PEBP4: variants seen among roughly 807,000 people sequenced by gnomAD.
PEBP4 encodes the protein phosphatidylethanolamine binding protein 4, also known as phosphatidylethanolamine-binding protein 4.
PEBP4 carries 22 observed loss-of-function variants against 23.9 expected under a neutral mutation model. That is an observed-to-expected ratio of 0.92 (90% CI 0.66 to 1.31). The LOEUF (loss-of-function observed/expected upper bound fraction) is 1.31. Among genes scored for constraint, PEBP4 ranks in the 40% most tolerant of loss-of-function variants. The pLI is 0.00. For missense variants in PEBP4, 324 were observed against 281.7 expected, an observed-to-expected ratio of 1.15 and a Z score of -1.07; for synonymous variants, 112 against 99.3, an observed-to-expected ratio of 1.13 and a Z score of -0.76.
In PEBP4 at chr8:22,865,445, G is replaced by T. The variant is rs1807870840; in HGVS notation, c.259-47710C>A. Among the ~76,000 whole-genome samples the T allele has an allele frequency of 6.6e-6, 1 of 151,922 alleles. No individual in the cohort carries two copies. Among genetic ancestry groups the T allele is most frequent in the African/African-American group, 2.4e-5 (1 of 41,410 alleles). ...TGCGCCTCCAGGGCGTTGGGCGGGG[G>T]CCGCACTTTCCCCGCCGCGAGGTGG... On this transcript the variant is annotated intron_variant, in intron 3 of 6. Coordinates refer to ENST00000256404, the MANE Select transcript of PEBP4 (RefSeq NM_144962.3). This position sits in a 1 kb window ranked among gnomAD's most constrained non-coding sequence, Gnocchi z 6.9.
At chr8:22,894,089 T>C (rs539689447) in intron 3 of PEBP4, among the ~76,000 whole-genome samples, 5 of 152,254 alleles carry the variant, frequency 3.3e-5, no homozygotes, top group African/African-American at 1.2e-4. Context: ...CCGCGGCATA[T>C]AGTAGCAAAA....
intron 4 of PEBP4, among the ~76,000 whole-genome samples, chr8:22,813,960 GT>G (rs1381341196): frequency 4.3e-4 from 65 of 152,306 alleles, no homozygotes; most frequent in Non-Finnish European, 8.8e-4. Flanking sequence ...TAGAAGCCCT[GT>G]GAGGGCAGAG....
rs6989627 is a variant in PEBP4 at position 22,713,917 on chromosome 8, C to A, written c.518-381G>T. Among the ~76,000 whole-genome samples, 1,506 of 152,366 alleles carry A rather than the reference C, an allele frequency of 9.9e-3. 22 individuals are homozygous for A. Among genetic ancestry groups the A allele is most frequent in the African/African-American group, 0.034 (1,403 of 41,584 alleles). ...TTCCTCTACTAATGCCCTCTCCCTGCAGGCTCCCCTGACCCCAGGACAGGA... is the reference window on the plus strand; with the variant it reads ...TTCCTCTACTAATGCCCTCTCCCTGAAGGCTCCCCTGACCCCAGGACAGGA... On this transcript the variant is annotated intron_variant, in intron 6 of 6. Coordinates refer to ENST00000256404, the MANE Select transcript of PEBP4 (RefSeq NM_144962.3).
At chr8:22,910,445 G>GGA (rs970743676) in intron 3 of PEBP4, among the ~76,000 whole-genome samples, 1 of 152,220 alleles carries the variant, frequency 6.6e-6, no homozygotes, top group Admixed American at 6.5e-5. Flanking sequence ...TGTTCTCATT[G>GGA]GAGAGACAAA....
At chr8:22,834,024 T>A (rs575168788) in intron 3 of PEBP4, among the ~76,000 whole-genome samples, 2 of 152,336 alleles carry the variant, frequency 1.3e-5, no homozygotes, top group East Asian at 3.9e-4. Flanking sequence ...GAAGACTATG[T>A]GTCTTCTTCA....
chr8:22,789,823 C>T (rs1165854879), intron 4 of PEBP4, among the ~76,000 whole-genome samples: 1 of 152,254 alleles, frequency 6.6e-6, no homozygotes. Context: ...TCTGCTAACC[C>T]TCCAATGCAA....
chr8:22,878,536 T>C (rs1430893800), intron 3 of PEBP4, among the ~76,000 whole-genome samples: 1 of 152,186 alleles, frequency 6.6e-6, no homozygotes, highest in Non-Finnish European at 1.5e-5. Flanking sequence ...AGTTACCCTA[T>C]TGCTCATATC....
At chr8:22,924,227 G>T (rs1447167789) in intron 2 of PEBP4, among the ~76,000 whole-genome samples, 1 of 152,098 alleles carries the variant, frequency 6.6e-6, no homozygotes, top group African/African-American at 2.4e-5. Flanking sequence ...AGCCAGGTGT[G>T]GTGGCGTGCA....
chr8:22,906,991 G>T (rs949277323), intron 3 of PEBP4, among the ~76,000 whole-genome samples: 2 of 152,228 alleles, frequency 1.3e-5, no homozygotes, highest in Non-Finnish European at 2.9e-5. Flanking sequence ...AGGGATAAGA[G>T]GTCTCTGGGC....
At chr8:22,790,207 T>A (rs1806111437) in intron 4 of PEBP4, among the ~76,000 whole-genome samples, 1 of 152,236 alleles carries the variant, frequency 6.6e-6, no homozygotes, top group African/African-American at 2.4e-5. Context: ...TTTCCTTCCT[T>A]CCTTCCTTCA....
chr8:22,919,547 C>G (rs1394116208), intron 3 of PEBP4, among the ~76,000 whole-genome samples: 2 of 152,196 alleles, frequency 1.3e-5, no homozygotes, highest in African/African-American at 2.4e-5. Context: ...TGACTCTTCC[C>G]CAGGCTTTCC....
At chr8:22,771,834 T>C (rs1360726337) in intron 4 of PEBP4, among the ~76,000 whole-genome samples, 1 of 152,244 alleles carries the variant, frequency 6.6e-6, no homozygotes, top group Non-Finnish European at 1.5e-5. Context: ...TAGAAACTTC[T>C]GTACGAACTG....
intron 3 of PEBP4, among the ~76,000 whole-genome samples, chr8:22,915,821 G>C (rs910710587): frequency 2.0e-5 from 3 of 152,200 alleles, no homozygotes; most frequent in African/African-American, 4.8e-5. Flanking sequence ...TAATCATTTT[G>C]TGACTGCAGC....
intron 3 of PEBP4, among the ~76,000 whole-genome samples, chr8:22,858,901 T>G (rs1030091702): frequency 6.6e-6 from 1 of 152,004 alleles, no homozygotes; most frequent in Non-Finnish European, 1.5e-5. Context: ...GAGCCAAGAT[T>G]GCACCACTGC....
At chr8:22,761,235 G>T (rs980798558) in intron 4 of PEBP4, among the ~76,000 whole-genome samples, 2 of 151,482 alleles carry the variant, frequency 1.3e-5, no homozygotes, top group African/African-American at 4.8e-5. Context: ...TGTGGGGTGG[G>T]GTGTGTGTGT....
At chr8:22,739,713 G>A (rs777308686) in intron 4 of PEBP4, among the ~76,000 whole-genome samples, 26 of 152,046 alleles carry the variant, frequency 1.7e-4, no homozygotes, top group Non-Finnish European at 3.2e-4. Context: ...CCCGAGCTCC[G>A]GCCCTAGCAG....
At chr8:22,911,129 T>A (rs1348874882) in intron 3 of PEBP4, among the ~76,000 whole-genome samples, 1 of 152,120 alleles carries the variant, frequency 6.6e-6, no homozygotes, top group Admixed American at 6.5e-5. Context: ...CTATTAAAAA[T>A]AAATAAATAA....
At chr8:22,908,891 C>A (rs1319199342) in intron 3 of PEBP4, among the ~76,000 whole-genome samples, 7 of 152,214 alleles carry the variant, frequency 4.6e-5, no homozygotes, top group African/African-American at 1.7e-4. Context: ...GGGCTTGACC[C>A]TGGAAGGCAC....
chr8:22,910,134 C>T (rs1035486449), intron 3 of PEBP4, among the ~76,000 whole-genome samples: 69 of 151,954 alleles, frequency 4.5e-4, no homozygotes, highest in African/African-American at 1.3e-3. Flanking sequence ...GTCGTTTTAT[C>T]TCTAAGGGCT....
Sources: allele counts gnomAD v4.1 joint callset (sites outside exome capture counted in the v4.1 genomes callset), GRCh38; gene constraint gnomAD v4.1.1; non-coding constraint Gnocchi (gnomAD v3.1); transcripts MANE v1.5; gene names NCBI Gene and HGNC (gene_info 2026-07-23, HGNC 2026-07-21).